Variants in ITGA8 observed in about 807,000 individuals in gnomAD.
ITGA8 encodes the protein integrin alpha-8.
ITGA8 carries 91 observed loss-of-function variants against 142.3 expected under a neutral mutation model. The ratio of observed to expected loss-of-function variants is 0.64; its 90% CI spans 0.54 to 0.76. The LOEUF is 0.76. Among genes scored for constraint, ITGA8 ranks in the 30% least tolerant of loss-of-function variants. The pLI, the probability that ITGA8 is intolerant of heterozygous loss-of-function variation, is 0.00. For synonymous variants in ITGA8, 505 were observed against 485.2 expected (o/e 1.04, Z -0.54); for missense variants, 1,406 against 1,327.7 (o/e 1.06, Z -0.92).
At chr10:15,691,653 A>C (rs1462161943) in intron 2 of ITGA8, among the ~76,000 whole-genome samples, 1 of 152,204 alleles carries the variant, frequency 6.6e-6, no homozygotes, top group African/African-American at 2.4e-5. Context: ...TAAAAAAGTC[A>C]GGCTCATAGA....
At position 15,531,135 on chromosome 10, in the gene ITGA8, T is replaced by C. The variant is rs1242903658; in HGVS notation, c.2897A>G (p.Tyr966Cys). The change falls in exon 28 of 30, where the codon TAT becomes TGT. Residue 966 changes from tyrosine to cysteine, a missense_variant. Coordinates refer to ENST00000378076, the MANE Select transcript of ITGA8 (RefSeq NM_003638.3). ...AAAGGACACCAGGGATGCAAGAGCA[T>C]AGGGATCATTTTTTCTCTGAAAGTA... ...HTFLQRKNDP[Y>C]ALASLVSFEV... 7 of 1,518,456 alleles carry C rather than the reference T, an allele frequency of 4.6e-6. No homozygotes were observed. Among genetic ancestry groups the C allele is most frequent in the Non-Finnish European group, 6.2e-6 (7 of 1,136,954 alleles). The allele number at this position is 1,518,456 out of a possible 1,614,324, so 94.1% of individuals were successfully genotyped here. A position where few individuals can be genotyped will look rare whatever the true frequency, so the allele number is the denominator to read the frequency against.
At chr10:15,521,377 G>C (rs1158044342) in intron 28 of ITGA8, among the ~76,000 whole-genome samples, 4 of 152,104 alleles carry the variant, frequency 2.6e-5, no homozygotes, top group African/African-American at 9.7e-5. Flanking sequence ...TTCTCAGCTT[G>C]TCTTGGTTTT....
At chr10:15,573,982 T>C (rs1229407478) in intron 24 of ITGA8, among the ~76,000 whole-genome samples, 2 of 152,166 alleles carry the variant, frequency 1.3e-5, no homozygotes, top group Non-Finnish European at 2.9e-5. Flanking sequence ...AAATTATTTA[T>C]GTTTGTTTAT....
intron 25 of ITGA8, among the ~76,000 whole-genome samples, chr10:15,566,164 C>A (rs191181513): frequency 6.6e-6 from 1 of 152,104 alleles, no homozygotes; most frequent in Non-Finnish European, 1.5e-5. Flanking sequence ...TCTGTGTCTC[C>A]GCTTTCCATG....
At chr10:15,677,459 C>G (rs1292677068) in intron 6 of ITGA8, 133 bp downstream of exon 6, 3 of 665,616 alleles carry the variant, frequency 4.5e-6, no homozygotes, top group African/African-American at 3.8e-5. Flanking sequence ...AAAGAAATAA[C>G]GCTTCATTTG....
rs561499303 is a variant in ITGA8, at chr10:15,574,697, A to G, written c.2478+792T>C. Among the ~76,000 whole-genome samples, 40 of 123,734 alleles carry G rather than the reference A, an allele frequency of 3.2e-4. 1 individual carries two copies. Among genetic ancestry groups the G allele is most frequent in the Admixed American group, 1.9e-3 (20 of 10,748 alleles). 81.2% of individuals were successfully genotyped at this position (123,734 alleles called of 152,430 possible). ...AGCCACCACACCCGGGCGCTTTTAT[A>G]TATATGTATATATATATTTTTTTTT... On this transcript the variant is annotated intron_variant, in intron 24 of 29. Coordinates refer to ENST00000378076, the MANE Select transcript of ITGA8 (RefSeq NM_003638.3).
rs745749834 is a variant in ITGA8 at position 15,548,438 on chromosome 10, C to T, written c.2880+17G>A. 1.9e-6 allele frequency: 3 copies of T among 1,563,854 alleles called. No individual in the cohort carries two copies. The highest frequency in any genetic ancestry group is 3.5e-4 in the Middle Eastern group (2 of 5,720). ...CCCAGTGAGCAGTGTGTATGTGCTTCTGTGGTTGTTTATTACCTGGAGGAA... is the reference window on the plus strand; with the variant it reads ...CCCAGTGAGCAGTGTGTATGTGCTTTTGTGGTTGTTTATTACCTGGAGGAA... On this transcript the variant is annotated intron_variant, in intron 27 of 29. Transcript: ENST00000378076.
intron 11 of ITGA8, among the ~76,000 whole-genome samples, chr10:15,650,730 T>C (rs933839084): frequency 3.9e-5 from 6 of 152,190 alleles, no homozygotes; most frequent in Non-Finnish European, 7.4e-5. Flanking sequence ...TCTTTTTTTT[T>C]CCCAGTAGTA....
chr10:15,659,105 G>T (rs1383026991), intron 9 of ITGA8, 50 bp from the exon 10 acceptor site: 1 of 1,305,246 alleles, frequency 7.7e-7, no homozygotes, highest in East Asian at 2.5e-5. Flanking sequence ...TAGAATTGGA[G>T]CCTTTTTTAA....
chr10:15,624,481 T>C (rs1833546450), intron 13 of ITGA8, among the ~76,000 whole-genome samples: 1 of 152,210 alleles, frequency 6.6e-6, no homozygotes, highest in Non-Finnish European at 1.5e-5. Flanking sequence ...GACTCAGCTG[T>C]GTTCCTGCAG....
intron 28 of ITGA8, among the ~76,000 whole-genome samples, chr10:15,524,780 T>C (rs1345438952): frequency 1.3e-5 from 2 of 152,182 alleles, no homozygotes; most frequent in Non-Finnish European, 2.9e-5. Flanking sequence ...CAGGCTAGTT[T>C]TGGGGAAAGC....
At chr10:15,709,007 G>A (rs142040087) in intron 2 of ITGA8, among the ~76,000 whole-genome samples, 1 of 152,282 alleles carries the variant, frequency 6.6e-6, no homozygotes, top group Non-Finnish European at 1.5e-5. Flanking sequence ...ACAGCCATTT[G>A]GGTCTGCTTT....
At chr10:15,683,051 G>C (rs987975333) in intron 4 of ITGA8, among the ~76,000 whole-genome samples, 2 of 152,100 alleles carry the variant, frequency 1.3e-5, no homozygotes, top group African/African-American at 4.8e-5. Context: ...ACATTTTAGA[G>C]CTCAAGCTAA....
intron 13 of ITGA8, among the ~76,000 whole-genome samples, chr10:15,637,515 T>TG (rs1168546927): frequency 1.5e-3 from 219 of 142,462 alleles, no homozygotes; most frequent in Non-Finnish European, 2.4e-3. Flanking sequence ...TTTTTTTTTT[T>TG]TTTTTTTGTT....
At chr10:15,694,695 A>ATATATATATATATATATC (rs1485063481) in intron 2 of ITGA8, among the ~76,000 whole-genome samples, 1 of 136,660 alleles carries the variant, frequency 7.3e-6, no homozygotes, top group South Asian at 2.2e-4. Flanking sequence ...ATATATATAT[A>ATATATATATATATATATC]TATATATGTC....
At chr10:15,621,960 C>T (rs556451630) in intron 13 of ITGA8, among the ~76,000 whole-genome samples, 1 of 152,076 alleles carries the variant, frequency 6.6e-6, no homozygotes, top group Non-Finnish European at 1.5e-5. Context: ...GAGTTCGAGA[C>T]CAGCCTGGCC....
chr10:15,612,899 G>A (rs559205101), intron 15 of ITGA8, among the ~76,000 whole-genome samples: 2 of 152,340 alleles, frequency 1.3e-5, no homozygotes, highest in Non-Finnish European at 2.9e-5. Context: ...GGTGGCCCAC[G>A]CCTGTAATCC....
At position 15,531,098 on chromosome 10, in the gene ITGA8, C is replaced by T; in HGVS notation, c.2934G>A (p.Lys978=). ...LASLVSFEVK[K]MPYTDQPAKL... ...TTGCTGGCTGATCTGTATAAGGCAT[C>T]TTCTTAACTTCAAAGGACACCAGGG... is the stretch of plus-strand genomic sequence containing the variant. Residue 978 remains lysine (K), a synonymous_variant, in exon 28 of 30, where the codon AAG becomes AAA. Transcript: ENST00000378076. 5 of 1,582,248 alleles carry T rather than the reference C, an allele frequency of 3.2e-6. No homozygotes were observed. The highest frequency in any genetic ancestry group is 3.4e-6 in the Non-Finnish European group (4 of 1,168,188).
intron 11 of ITGA8, 62 bp from the exon 12 acceptor site, chr10:15,647,113 T>C: frequency 7.7e-7 from 1 of 1,292,552 alleles, no homozygotes; most frequent in Non-Finnish European, 1.1e-6. Flanking sequence ...TTTGGGTTAT[T>C]TGTAATCAAC....
Sources: allele counts gnomAD v4.1 joint callset (sites outside exome capture counted in the v4.1 genomes callset), GRCh38; gene constraint gnomAD v4.1.1; transcripts MANE v1.5; gene names NCBI Gene and HGNC (gene_info 2026-07-23, HGNC 2026-07-21).